ATP8A1: variants seen among roughly 807,000 people sequenced by gnomAD.
The protein encoded by ATP8A1 is phospholipid-transporting ATPase IA.
Under a neutral mutation model 177.7 loss-of-function variants are expected in ATP8A1, and 90 were observed. That is an observed-to-expected ratio of 0.51 (90% CI 0.43 to 0.60). The LOEUF (loss-of-function observed/expected upper bound fraction) is 0.60, where lower values mean the gene tolerates loss of function less well. Among genes scored for constraint, ATP8A1 ranks in the 20% least tolerant of loss-of-function variants. The probability of loss-of-function intolerance (pLI) is 0.00; values close to 1 mark genes in which losing one functional copy is unlikely to be tolerated. For missense variants in ATP8A1, 1,072 were observed against 1,392.8 expected (o/e 0.77, Z 3.67); for synonymous variants, 493 against 485.9 (o/e 1.01, Z -0.19).
rs142686279 is a variant in ATP8A1, at chr4:42,446,492, C to G, written c.2958+91G>C. 1.5e-4 allele frequency: 196 copies of G among 1,303,388 alleles called. No individual in the cohort carries two copies. The African/African-American group carries it at 2.5e-3, about 17-fold the overall frequency. The allele number at this position is 1,303,388 out of a possible 1,614,324, so 80.7% of individuals were successfully genotyped here. A position where few individuals can be genotyped will look rare whatever the true frequency, so the allele number is the denominator to read the frequency against. On this transcript the variant is annotated intron_variant, in intron 31 of 36. Transcript: ENST00000381668. The stretch of plus-strand genomic sequence containing the variant: ...CGTAAACAACCCTTAAATCCAGAAA[C>G]ACTCATATCACGTTTAAATTTAAAA...
chr4:42,527,274 C>T (rs915156762), intron 20 of ATP8A1, among the ~76,000 whole-genome samples: 12 of 152,142 alleles, frequency 7.9e-5, no homozygotes, highest in Non-Finnish European at 1.5e-4. Context: ...AAGGTGCATG[C>T]GTAGCCTCAA....
intron 5 of ATP8A1, among the ~76,000 whole-genome samples, chr4:42,607,947 T>C (rs11943841): frequency 0.23 from 34,220 of 152,082 alleles, 4,341 homozygotes; most frequent in Non-Finnish European, 0.29. Flanking sequence ...CAGCTCATTG[T>C]TTTAAATGCA....
chr4:42,423,516 A>T (rs1714233578), intron 34 of ATP8A1, 101 bp downstream of exon 34: 1 of 695,392 alleles, frequency 1.4e-6, no homozygotes, highest in African/African-American at 1.8e-5. Flanking sequence ...ACCAGTCCCT[A>T]TCCTGCAAGC....
intron 1 of ATP8A1, chr4:42,637,028 A>C: frequency 4.3e-6 from 2 of 465,444 alleles, no homozygotes; most frequent in Non-Finnish European, 8.5e-6. Flanking sequence ...GAATCATTTC[A>C]GTCCTCTGTT....
Position 42,546,808 on chromosome 4 carries a change from T to C in ATP8A1, c.1652+2205A>G, listed in dbSNP as rs1281322050. The stretch of plus-strand genomic sequence containing the variant: ...ACCTTGCAGCAGTCTCCGACACAGA[T>C]GACCACTCTCTCTTTGAATCCTCTT... On this transcript the variant is annotated intron_variant, in intron 19 of 36. Transcript: ENST00000381668. Among the ~76,000 whole-genome samples, 4 of 152,208 alleles carry C rather than the reference T, an allele frequency of 2.6e-5. No individual in the cohort carries two copies. The South Asian group carries it at 6.2e-4, about 24-fold the overall frequency.
At chr4:42,600,414 A>T in intron 6 of ATP8A1, 64 bp downstream of exon 6, 1 of 1,306,008 alleles carries the variant, frequency 7.7e-7, no homozygotes, top group African/African-American at 1.5e-5. Context: ...ACAAAAAATT[A>T]TATATACTAG....
Position 42,626,992 on chromosome 4 carries a change from T to G in ATP8A1, c.164+3A>C, listed in dbSNP as rs1341351767. The G allele has an allele frequency of 3.1e-6, 5 of 1,611,580 alleles. No individual in the cohort carries two copies. Among genetic ancestry groups the G allele is most frequent in the Non-Finnish European group, 3.4e-6 (4 of 1,177,830 alleles). On this transcript the variant is annotated splice_donor_region_variant and intron_variant, in intron 2 of 36. Transcript: ENST00000381668. ...TCTCATGGCATTCTTTGGTAGTTCT[T>G]ACCTGACATGGTTATTGCAGAATTT... is the stretch of plus-strand genomic sequence containing the variant.
At chr4:42,626,620 C>A in intron 2 of ATP8A1, 3 of 240,460 alleles carry the variant, frequency 1.2e-5, no homozygotes, top group South Asian at 1.1e-4. Context: ...ACTATATAAC[C>A]AGAAGGAATT....
intron 24 of ATP8A1, among the ~76,000 whole-genome samples, chr4:42,490,948 CAG>C (rs1722682120): frequency 6.6e-6 from 1 of 152,058 alleles, no homozygotes; most frequent in South Asian, 2.1e-4. Flanking sequence ...AAGGTAATAA[CAG>C]AATAACCAAA....
intron 24 of ATP8A1, among the ~76,000 whole-genome samples, chr4:42,488,501 ATC>A (rs1722424524): frequency 6.6e-6 from 1 of 152,182 alleles, no homozygotes; most frequent in Non-Finnish European, 1.5e-5. Context: ...AGCCCTCATC[ATC>A]TGTCTCTCAT....
intron 20 of ATP8A1, among the ~76,000 whole-genome samples, chr4:42,541,937 C>A (rs1429580123): frequency 6.6e-6 from 1 of 152,120 alleles, no homozygotes; most frequent in Non-Finnish European, 1.5e-5. Flanking sequence ...GTATATGATA[C>A]CATAATGGTA....
chr4:42,448,712 C>G (rs1717581762), intron 30 of ATP8A1, among the ~76,000 whole-genome samples: 2 of 150,114 alleles, frequency 1.3e-5, no homozygotes, highest in East Asian at 4.0e-4. Flanking sequence ...AGTAGTTTCT[C>G]AAAGTGGTAG....
intron 25 of ATP8A1, among the ~76,000 whole-genome samples, chr4:42,477,114 C>T (rs768083038): frequency 4.6e-5 from 7 of 152,064 alleles, no homozygotes; most frequent in South Asian, 2.1e-4. Context: ...CATTGTTCAC[C>T]GCTCTATTTC....
chr4:42,572,224 T>G (rs775395344), intron 14 of ATP8A1, among the ~76,000 whole-genome samples: 35 of 152,210 alleles, frequency 2.3e-4, no homozygotes, highest in Non-Finnish European at 4.0e-4. Context: ...TGCTCATACA[T>G]AATAGTTCCC....
chr4:42,501,015 T>G (rs1723801839), intron 24 of ATP8A1, among the ~76,000 whole-genome samples: 1 of 152,190 alleles, frequency 6.6e-6, no homozygotes, highest in Admixed American at 6.5e-5. Flanking sequence ...TTTTAAGAGC[T>G]TCAAATATGA....
intron 20 of ATP8A1, among the ~76,000 whole-genome samples, chr4:42,542,766 T>C (rs372927893): frequency 6.6e-6 from 1 of 152,188 alleles, no homozygotes; most frequent in Admixed American, 6.5e-5. Context: ...GGACATGAAC[T>C]CATCCTTTTT....
chr4:42,639,026 G>A (rs1739667146), intron 1 of ATP8A1, among the ~76,000 whole-genome samples: 1 of 152,094 alleles, frequency 6.6e-6, no homozygotes, highest in African/African-American at 2.4e-5. Context: ...TATGTATTCT[G>A]GATTTCAGGA....
At chr4:42,532,693 C>G (rs1488468405) in intron 20 of ATP8A1, among the ~76,000 whole-genome samples, 1 of 152,194 alleles carries the variant, frequency 6.6e-6, no homozygotes, top group Non-Finnish European at 1.5e-5. Context: ...AGCGTGGAGA[C>G]TCATACTGTG....
intron 18 of ATP8A1, among the ~76,000 whole-genome samples, chr4:42,550,931 A>T (rs1050643595): frequency 1.3e-5 from 2 of 152,234 alleles, no homozygotes; most frequent in African/African-American, 4.8e-5. Flanking sequence ...AACTAAAAGG[A>T]TGGTGATTCA....
Sources: allele counts gnomAD v4.1 joint callset (sites outside exome capture counted in the v4.1 genomes callset), GRCh38; gene constraint gnomAD v4.1.1; transcripts MANE v1.5; gene names NCBI Gene and HGNC (gene_info 2026-07-23, HGNC 2026-07-21).